The following PTPRN2 variants were observed in gnomAD, a reference collection of about 807,000 sequenced individuals.
The protein encoded by PTPRN2 is receptor-type tyrosine-protein phosphatase N2.
PTPRN2 carries 74 observed loss-of-function variants against 118.8 expected under a neutral mutation model. That is an observed-to-expected ratio of 0.62 (90% CI 0.52 to 0.76). The LOEUF (loss-of-function observed/expected upper bound fraction) is 0.76. Among genes scored for constraint, PTPRN2 ranks in the 30% least tolerant of loss-of-function variants. PTPRN2 has a pLI of 0.00. For missense variants in PTPRN2, 1,481 were observed against 1,394.4 expected (o/e 1.06, Z -0.99); for synonymous variants, 641 against 608.0 (o/e 1.05, Z -0.80).
At chr7:157,572,900 T>G (rs1470079262) in intron 19 of PTPRN2, among the ~76,000 whole-genome samples, 1 of 152,126 alleles carries the variant, frequency 6.6e-6, no homozygotes, top group African/African-American at 2.4e-5. Context: ...TTAGAGGTGT[T>G]TGTTGTTGTT....
intron 1 of PTPRN2, among the ~76,000 whole-genome samples, chr7:158,523,717 GTGGAGT>G (rs1824480144): frequency 2.8e-5 from 4 of 140,738 alleles, no homozygotes; most frequent in Admixed American, 7.1e-5. Context: ...CTGCCCTGGA[GTGGAGT>G]CTGCCCTGGA....
At chr7:158,077,352 A>G (rs1812442282) in intron 11 of PTPRN2, among the ~76,000 whole-genome samples, 1 of 152,162 alleles carries the variant, frequency 6.6e-6, no homozygotes, top group Non-Finnish European at 1.5e-5. Context: ...ACGGAAAGTC[A>G]CCGTACCTCT....
chr7:157,800,756 T>G (rs1011532119), intron 12 of PTPRN2, among the ~76,000 whole-genome samples: 29 of 151,822 alleles, frequency 1.9e-4, no homozygotes, highest in African/African-American at 6.8e-4. Flanking sequence ...ATCGAGACCA[T>G]CCTGGCCAAC....
intron 11 of PTPRN2, among the ~76,000 whole-genome samples, chr7:157,973,879 G>A (rs1802530617): frequency 6.6e-6 from 1 of 152,166 alleles, no homozygotes; most frequent in South Asian, 2.1e-4. Flanking sequence ...GGAACCACAG[G>A]GTATGAAAAG....
chr7:158,277,099 TCACACACGTGCACACACA>T (rs1563078455), intron 3 of PTPRN2, among the ~76,000 whole-genome samples: 1 of 152,070 alleles, frequency 6.6e-6, no homozygotes, highest in Non-Finnish European at 1.5e-5. Context: ...AGCCATCCTC[TCACACACGTGCACACACA>T]CACACACGTG....
chr7:158,316,980 GA>G, intron 2 of PTPRN2, 48 bp from the exon 3 acceptor site: 2 of 1,448,996 alleles, frequency 1.4e-6, no homozygotes, highest in Non-Finnish European at 1.9e-6. Flanking sequence ...TTCATTTTCA[GA>G]GAGCAGGAAG....
intron 11 of PTPRN2, among the ~76,000 whole-genome samples, chr7:158,017,854 G>A (rs962635400): frequency 6.6e-6 from 1 of 152,176 alleles, no homozygotes; most frequent in Admixed American, 6.5e-5. Flanking sequence ...GAAGCCACCT[G>A]AGGCTGTGCC....
chr7:158,413,352 A>G (rs916847669), intron 2 of PTPRN2, among the ~76,000 whole-genome samples: 6 of 152,278 alleles, frequency 3.9e-5, no homozygotes, highest in African/African-American at 1.4e-4. Flanking sequence ...GTATGTTTAC[A>G]TTTCCTAAAC....
chr7:157,704,146 C>G (rs1337877743), intron 12 of PTPRN2, among the ~76,000 whole-genome samples: 1 of 152,206 alleles, frequency 6.6e-6, no homozygotes, highest in Non-Finnish European at 1.5e-5. Context: ...TTAGAGGAAG[C>G]TCTGCCACTA....
chr7:158,287,111 G>T (rs1799818622), intron 3 of PTPRN2, among the ~76,000 whole-genome samples: 1 of 151,836 alleles, frequency 6.6e-6, no homozygotes, highest in Non-Finnish European at 1.5e-5. Context: ...ATTTCTTCTG[G>T]GTTATCCAAT....
rs1330383358 is a variant in PTPRN2 at position 157,587,585 on chromosome 7, G to A, written c.2496+7653C>T. Among the ~76,000 whole-genome samples, 1 of 152,234 alleles carries A rather than the reference G, an allele frequency of 6.6e-6. No individual in the cohort carries two copies. Among genetic ancestry groups the A allele is most frequent in the Non-Finnish European group, 1.5e-5 (1 of 68,038 alleles). ...CATCACAGAATACTTTTAGAAAGCA[G>A]AAACTAGAAATTGAAAGTGCACCTT... On this transcript the variant is annotated intron_variant, in intron 17 of 22. Coordinates refer to ENST00000389418, the MANE Select transcript of PTPRN2 (RefSeq NM_002847.5). This position sits in a 1 kb window ranked among gnomAD's most constrained non-coding sequence, Gnocchi z 5.3.
chr7:158,436,069 A>T (rs937406961), intron 2 of PTPRN2, among the ~76,000 whole-genome samples: 1 of 152,166 alleles, frequency 6.6e-6, no homozygotes, highest in African/African-American at 2.4e-5. Flanking sequence ...ATCTCATGTT[A>T]TATGTTCTTT....
rs1801784309 is a variant in PTPRN2 at position 157,603,167 on chromosome 7, A to C, written c.2418+835T>G. Among the ~76,000 whole-genome samples, 1 of 144,966 alleles carries C rather than the reference A, an allele frequency of 6.9e-6. No homozygotes were observed. On this transcript the variant is annotated intron_variant, in intron 16 of 22. Transcript: ENST00000389418. The surrounding 1 kb of genome is among the most constrained non-coding windows in gnomAD (Gnocchi z 5.4). ...CCCGCCCCCGCCACCTGCCACCATC[A>C]CTGCTCATCTGAACACCCAGTCCGA... is the stretch of plus-strand genomic sequence containing the variant.
At chr7:158,505,717 C>T (rs377678053) in intron 1 of PTPRN2, among the ~76,000 whole-genome samples, 11 of 84,932 alleles carry the variant, frequency 1.3e-4, no homozygotes, top group African/African-American at 3.8e-4. Flanking sequence ...ACGGAGGAGC[C>T]GGGGTGGGAG....
At chr7:158,121,130 A>C (rs1190525702) in intron 9 of PTPRN2, among the ~76,000 whole-genome samples, 1 of 151,864 alleles carries the variant, frequency 6.6e-6, no homozygotes, top group Non-Finnish European at 1.5e-5. Flanking sequence ...CCTGGTGGTG[A>C]CTGCTCCAAA....
intron 14 of PTPRN2, among the ~76,000 whole-genome samples, chr7:157,655,065 T>C (rs1471892143): frequency 6.6e-6 from 1 of 152,186 alleles, no homozygotes; most frequent in Admixed American, 6.5e-5. Flanking sequence ...GTCTGCCGAG[T>C]GAACTCCACG....
At chr7:157,602,254 T>C (rs1312243314) in intron 16 of PTPRN2, among the ~76,000 whole-genome samples, 3 of 152,240 alleles carry the variant, frequency 2.0e-5, no homozygotes, top group Non-Finnish European at 4.4e-5. Flanking sequence ...CTCTCAAAGC[T>C]GAACATGCTC....
intron 2 of PTPRN2, among the ~76,000 whole-genome samples, chr7:158,402,208 G>A (rs1407003145): frequency 6.6e-6 from 1 of 152,164 alleles, no homozygotes; most frequent in Non-Finnish European, 1.5e-5. Context: ...CATCTTGTGG[G>A]ACTCAGGGAC....
intron 12 of PTPRN2, among the ~76,000 whole-genome samples, chr7:157,797,889 C>A (rs1027289193): frequency 6.6e-6 from 1 of 152,238 alleles, no homozygotes; most frequent in Non-Finnish European, 1.5e-5. Flanking sequence ...GGCCCCGCAG[C>A]TCTCAAGCTG....
Sources: gnomAD v4.1 joint callset for allele counts (sites outside exome capture counted in the v4.1 genomes callset) on GRCh38, gnomAD v4.1.1 for gene constraint, Gnocchi (gnomAD v3.1) non-coding constraint, MANE v1.5 for transcripts, NCBI Gene and HGNC (gene_info 2026-07-23, HGNC 2026-07-21) for gene names.